PPP1R12A: variants seen among roughly 807,000 people sequenced by gnomAD.
The protein encoded by PPP1R12A is myosin binding subunit.
Under a neutral mutation model 139.6 loss-of-function variants are expected in PPP1R12A, and 19 were observed. The ratio of observed to expected loss-of-function variants is 0.14; its 90% CI spans 0.09 to 0.20. The LOEUF (loss-of-function observed/expected upper bound fraction) is 0.20, where lower values mean the gene tolerates loss of function less well. PPP1R12A is among the 10% of genes least tolerant of loss of function. The probability of loss-of-function intolerance (pLI) is 1.00; values close to 1 mark genes in which losing one functional copy is unlikely to be tolerated. For missense variants in PPP1R12A, 925 were observed against 1,211.5 expected, an observed-to-expected ratio of 0.76 and a Z score of 3.51; for synonymous variants, 427 against 420.6, an observed-to-expected ratio of 1.02 and a Z score of -0.19.
intron 1 of PPP1R12A, among the ~76,000 whole-genome samples, chr12:79,890,849 A>G (rs1222327135): frequency 6.6e-6 from 1 of 151,610 alleles, no homozygotes; most frequent in African/African-American, 2.4e-5. Context: ...ACTCCAGTAT[A>G]CATAGGTAAC....
chr12:79,872,873 T>C lies in PPP1R12A; in HGVS notation c.303A>G (p.Gln101=). The change falls in exon 2 of 25, where the codon CAA becomes CAG. Residue 101 remains glutamine (Q), a synonymous_variant. Coordinates refer to ENST00000450142, the MANE Select transcript of PPP1R12A (RefSeq NM_002480.3). ...FLVENGANIN[Q]PDNEGWIPLH... ...GTGGTATCCAGCCTTCATTATCAGG[T>C]TGATTAATATTTGCTCCATTTTCTA... is the stretch of plus-strand genomic sequence containing the variant. 1 of 1,613,422 alleles carries C rather than the reference T, an allele frequency of 6.2e-7. No individual in the cohort carries two copies. Among genetic ancestry groups the C allele is most frequent in the South Asian group, 1.1e-5 (1 of 91,068 alleles).
chr12:79,809,814 G>A lies in PPP1R12A; in HGVS notation c.1436C>T (p.Ser479Phe), dbSNP rs1284822147. Residue 479 changes from serine to phenylalanine, a missense_variant, in exon 10 of 25, where the codon TCT becomes TTT. By Grantham distance (155) the Ser-to-Phe change is radical. Transcript: ENST00000450142. ...RSASSPRLSS[S>F]LDNKEKEKDS... ...GATTACCTTTTCTTTATTATCCAAA[G>A]AGGAGGAAAGTCTGGGACTTGAAGC... is the stretch of plus-strand genomic sequence containing the variant. The A allele has an allele frequency of 1.2e-6, 2 of 1,612,256 alleles. No homozygotes were observed. Among genetic ancestry groups the A allele is most frequent in the African/African-American group, 1.3e-5 (1 of 74,886 alleles).
intron 3 of PPP1R12A, among the ~76,000 whole-genome samples, chr12:79,842,894 CT>C (rs1399533918): frequency 6.6e-6 from 1 of 152,038 alleles, no homozygotes; most frequent in Non-Finnish European, 1.5e-5. Context: ...TGTAACATAT[CT>C]ACACAGCTTT....
intron 1 of PPP1R12A, among the ~76,000 whole-genome samples, chr12:79,889,896 C>A (rs1206175219): frequency 6.6e-6 from 1 of 152,126 alleles, no homozygotes; most frequent in Non-Finnish European, 1.5e-5. Context: ...GGTGGAAGGG[C>A]AAGCAGCTCC....
intron 1 of PPP1R12A, among the ~76,000 whole-genome samples, chr12:79,891,025 T>C (rs1472099540): frequency 6.6e-6 from 1 of 151,838 alleles, no homozygotes; most frequent in African/African-American, 2.4e-5. Flanking sequence ...GGAAATTTTT[T>C]TTGTCATGTC....
intron 20 of PPP1R12A, 31 bp from the exon 21 acceptor site, chr12:79,788,814 T>G (rs1207238145): frequency 6.5e-7 from 1 of 1,530,926 alleles, no homozygotes; most frequent in African/African-American, 1.4e-5. Context: ...TAAAAAACCT[T>G]GTTATAGGCT....
chr12:79,920,995 A>C (rs1887392012), intron 1 of PPP1R12A, among the ~76,000 whole-genome samples: 1 of 152,194 alleles, frequency 6.6e-6, no homozygotes, highest in Non-Finnish European at 1.5e-5. Flanking sequence ...CTAGTATCTC[A>C]TTGTGGGTTT....
At position 79,840,578 on chromosome 12, in the gene PPP1R12A, C is replaced by G. The variant is rs1878589735; in HGVS notation, c.487+4724G>C. ...CCTACATGAACTCATCTAATCATCA[C>G]TTCTTCAACTGGAAACTTTAGTAAG... On this transcript the variant is annotated intron_variant, in intron 3 of 24. Transcript: ENST00000450142. 3.9e-5 allele frequency among the ~76,000 whole-genome samples: 6 copies of G among 152,200 alleles called. No individual in the cohort carries two copies. In the South Asian group the frequency reaches 1.2e-3, roughly 31 times the overall value.
intron 23 of PPP1R12A, among the ~76,000 whole-genome samples, chr12:79,781,597 TTA>T (rs1333854545): frequency 6.6e-6 from 1 of 152,046 alleles, no homozygotes; most frequent in Non-Finnish European, 1.5e-5. Flanking sequence ...ATTAAAAGAA[TTA>T]TGTGGTAAAT....
intron 1 of PPP1R12A, among the ~76,000 whole-genome samples, chr12:79,904,178 G>A (rs1672748527): frequency 6.6e-6 from 1 of 151,220 alleles, no homozygotes; most frequent in African/African-American, 2.4e-5. Flanking sequence ...TCATACCACT[G>A]CACTCCAGCC....
chr12:79,846,756 A>C (rs993657771), intron 2 of PPP1R12A, among the ~76,000 whole-genome samples: 2 of 151,748 alleles, frequency 1.3e-5, no homozygotes, highest in South Asian at 4.2e-4. Context: ...AACTTAAAAA[A>C]TTTTTCGATG....
chr12:79,922,230 C>A (rs1170004453), intron 1 of PPP1R12A, among the ~76,000 whole-genome samples: 1 of 152,016 alleles, frequency 6.6e-6, no homozygotes, highest in Non-Finnish European at 1.5e-5. Context: ...CACTGCACTC[C>A]CAGCCTGGGT....
chr12:79,922,740 G>GTAT (rs2136950179), intron 1 of PPP1R12A, among the ~76,000 whole-genome samples: 1 of 152,042 alleles, frequency 6.6e-6, no homozygotes, highest in South Asian at 2.1e-4. Flanking sequence ...ATGCATGCAG[G>GTAT]GCTTAAAACC....
At chr12:79,833,006 A>G (rs143599962) in intron 3 of PPP1R12A, among the ~76,000 whole-genome samples, 176 of 152,300 alleles carry the variant, frequency 1.2e-3, no homozygotes, top group Non-Finnish European at 2.1e-3. Flanking sequence ...AACATAGTAC[A>G]CATTCTTCAT....
At chr12:79,931,892 C>T (rs1459667305) in intron 1 of PPP1R12A, among the ~76,000 whole-genome samples, 1 of 152,028 alleles carries the variant, frequency 6.6e-6, no homozygotes, top group Non-Finnish European at 1.5e-5. Context: ...CATTTCTATA[C>T]AAAAAGAACA....
At chr12:79,807,159 T>G (rs1202949829) in intron 12 of PPP1R12A, 67 bp downstream of exon 12, 3 of 872,424 alleles carry the variant, frequency 3.4e-6, no homozygotes, top group African/African-American at 3.5e-5. Flanking sequence ...AACTGAGGGC[T>G]CCAAACAAAT....
chr12:79,910,400 A>T (rs924566690), intron 1 of PPP1R12A, among the ~76,000 whole-genome samples: 1 of 152,086 alleles, frequency 6.6e-6, no homozygotes, highest in Non-Finnish European at 1.5e-5. Context: ...GAATTGCTTG[A>T]ACCTGGGAGG....
chr12:79,846,650 C>T (rs1879444824), intron 2 of PPP1R12A, among the ~76,000 whole-genome samples: 1 of 149,162 alleles, frequency 6.7e-6, no homozygotes, highest in South Asian at 2.1e-4. Context: ...ACCGTGGTCT[C>T]AATCTCCTGA....
Position 79,786,354 on chromosome 12 carries a change from AAAAAG to A in PPP1R12A, c.2907+15_2907+19del. The A allele has an allele frequency of 1.4e-6, 2 of 1,443,444 alleles. No homozygotes were observed. Among genetic ancestry groups the A allele is most frequent in the Non-Finnish European group, 1.9e-6 (2 of 1,065,464 alleles). 89.4% of individuals were successfully genotyped at this position (1,443,444 alleles called of 1,614,324 possible). On this transcript the variant is annotated intron_variant, in intron 22 of 24. Coordinates refer to ENST00000450142, the MANE Select transcript of PPP1R12A (RefSeq NM_002480.3). ...TCACAACCATTACCTTGAGAGTAAC[AAAAAG>A]AAAAGGGTACAAACCTGGGTGGCCT... is the stretch of plus-strand genomic sequence containing the variant.
Sources: gnomAD v4.1 joint callset for allele counts (sites outside exome capture counted in the v4.1 genomes callset) on GRCh38, gnomAD v4.1.1 for gene constraint, MANE v1.5 for transcripts, NCBI Gene and HGNC (gene_info 2026-07-23, HGNC 2026-07-21) for gene names.